The following SMAP1 variants were observed in gnomAD, a reference collection of about 807,000 sequenced individuals.
SMAP1 encodes stromal membrane-associated protein 1.
In SMAP1, 24 loss-of-function variants were observed where a neutral mutation model predicts 58.5. The ratio of observed to expected loss-of-function variants is 0.41; its 90% CI spans 0.30 to 0.58. The LOEUF (loss-of-function observed/expected upper bound fraction) is 0.58. SMAP1 is among the 20% of genes least tolerant of loss of function. The probability of loss-of-function intolerance (pLI) is 0.29; values close to 1 mark genes in which losing one functional copy is unlikely to be tolerated. For missense variants in SMAP1, 563 were observed against 566.3 expected, an observed-to-expected ratio of 0.99 and a Z score of 0.06; for synonymous variants, 216 against 196.6, an observed-to-expected ratio of 1.10 and a Z score of -0.82.
chr6:70,798,618 A>G, intron 5 of SMAP1, 39 bp from the exon 6 acceptor site: 1 of 1,473,950 alleles, frequency 6.8e-7, no homozygotes, highest in Non-Finnish European at 9.0e-7. Context: ...GCCATTTTTT[A>G]AAAAAGTAAA....
At chr6:70,707,134 A>G (rs910623676) in intron 1 of SMAP1, among the ~76,000 whole-genome samples, 2 of 152,096 alleles carry the variant, frequency 1.3e-5, no homozygotes, top group Non-Finnish European at 1.5e-5. Flanking sequence ...CTTTATTCCA[A>G]TTATGATGTA....
intron 6 of SMAP1, among the ~76,000 whole-genome samples, chr6:70,820,741 T>A (rs1769851949): frequency 6.6e-6 from 1 of 151,896 alleles, no homozygotes; most frequent in South Asian, 2.1e-4. Flanking sequence ...TTGTTCAAGA[T>A]AATTTGATCA....
chr6:70,810,569 A>G (rs1296989293), intron 6 of SMAP1, among the ~76,000 whole-genome samples: 2 of 151,906 alleles, frequency 1.3e-5, no homozygotes, highest in African/African-American at 4.8e-5. Context: ...ATTTTGACTG[A>G]CTTTTCTTTG....
intron 2 of SMAP1, among the ~76,000 whole-genome samples, chr6:70,733,713 A>G (rs1393865821): frequency 6.6e-6 from 1 of 152,204 alleles, no homozygotes; most frequent in African/African-American, 2.4e-5. Context: ...TGTGAGGTGT[A>G]GCTTGACAGT....
At chr6:70,828,306 T>C (rs1770222814) in intron 6 of SMAP1, among the ~76,000 whole-genome samples, 1 of 152,174 alleles carries the variant, frequency 6.6e-6, no homozygotes, top group South Asian at 2.1e-4. Context: ...GGTAATCAGA[T>C]AGGATAGTAT....
intron 6 of SMAP1, among the ~76,000 whole-genome samples, chr6:70,819,328 GAAAA>G (rs61400090): frequency 7.0e-6 from 1 of 142,774 alleles, no homozygotes; most frequent in Admixed American, 7.0e-5. Flanking sequence ...ATGTAAGGGT[GAAAA>G]AAAAAAAAGG....
chr6:70,737,251 C>T (rs1360802396), intron 2 of SMAP1, among the ~76,000 whole-genome samples: 1 of 152,210 alleles, frequency 6.6e-6, no homozygotes, highest in Non-Finnish European at 1.5e-5. Context: ...AAGTGATTCT[C>T]CTGCCTCAGC....
chr6:70,772,425 A>C (rs908162113), intron 3 of SMAP1, among the ~76,000 whole-genome samples: 2 of 152,188 alleles, frequency 1.3e-5, no homozygotes, highest in South Asian at 2.1e-4. Flanking sequence ...ATTATATTTC[A>C]GTGTAATTGG....
intron 4 of SMAP1, among the ~76,000 whole-genome samples, chr6:70,775,660 C>T (rs1012383140): frequency 2.0e-5 from 3 of 152,110 alleles, no homozygotes; most frequent in East Asian, 1.9e-4. Context: ...ATTCACTCTA[C>T]AGTTCCTTCC....
intron 2 of SMAP1, among the ~76,000 whole-genome samples, chr6:70,733,552 G>GT (rs1765507720): frequency 2.6e-5 from 4 of 151,844 alleles, no homozygotes; most frequent in African/African-American, 9.7e-5. Flanking sequence ...GTCTTTTTTT[G>GT]TTTGTTTGAG....
At chr6:70,853,978 AAG>A (rs550287802) in intron 8 of SMAP1, among the ~76,000 whole-genome samples, 22 of 152,300 alleles carry the variant, frequency 1.4e-4, no homozygotes, top group African/African-American at 5.3e-4. Context: ...GCAACTGCTT[AAG>A]AGAGTTAGAT....
chr6:70,806,705 T>C (rs1298951189), intron 6 of SMAP1, among the ~76,000 whole-genome samples: 1 of 152,230 alleles, frequency 6.6e-6, no homozygotes, highest in African/African-American at 2.4e-5. Context: ...TCAAGTCAAA[T>C]TTATTTCTAT....
chr6:70,851,586 T>C (rs1393833964), intron 7 of SMAP1, among the ~76,000 whole-genome samples: 1 of 152,178 alleles, frequency 6.6e-6, no homozygotes, highest in African/African-American at 2.4e-5. Context: ...GTTAACTTGG[T>C]TGTGGTTACA....
At chr6:70,803,300 G>A (rs577874645) in intron 6 of SMAP1, among the ~76,000 whole-genome samples, 14 of 152,134 alleles carry the variant, frequency 9.2e-5, no homozygotes, top group Admixed American at 3.3e-4. Context: ...GGTGTTTGTC[G>A]TATTCTCTGA....
intron 1 of SMAP1, among the ~76,000 whole-genome samples, chr6:70,684,281 T>A (rs914726980): frequency 6.6e-6 from 1 of 152,208 alleles, no homozygotes; most frequent in Non-Finnish European, 1.5e-5. Flanking sequence ...AATATTTTTG[T>A]GTTTGAGAGA....
In SMAP1 at chr6:70,729,733, A is replaced by G. The variant is rs368341326; in HGVS notation, c.119-2645A>G. Among the ~76,000 whole-genome samples the G allele has an allele frequency of 1.1e-3, 163 of 152,070 alleles. 3 individuals are homozygous for G. The South Asian group carries it at 0.018, about 17-fold the overall frequency. ...CCTGTCAGTTCTTCCTGGTGATTTC[A>G]TATTTGTTCGTTTCCATTCTTACTG... On this transcript the variant is annotated intron_variant, in intron 1 of 10. Coordinates refer to ENST00000370455, the MANE Select transcript of SMAP1 (RefSeq NM_001044305.3).
intron 4 of SMAP1, among the ~76,000 whole-genome samples, chr6:70,774,839 C>T (rs774435931): frequency 4.2e-4 from 64 of 151,618 alleles, no homozygotes; most frequent in Non-Finnish European, 5.6e-4. Context: ...ATGGTGAAAC[C>T]CCGTCTCTAC....
At chr6:70,841,815 G>A (rs1421357927) in intron 7 of SMAP1, among the ~76,000 whole-genome samples, 1 of 152,180 alleles carries the variant, frequency 6.6e-6, no homozygotes. Flanking sequence ...TAAGCCATTA[G>A]TATATAACCC....
In SMAP1 at chr6:70,852,622, G is replaced by T; in HGVS notation, c.747G>T (p.Met249Ile). 6.2e-7 allele frequency: 1 copy of T among 1,610,228 alleles called. No individual in the cohort carries two copies. Among genetic ancestry groups the T allele is most frequent in the Non-Finnish European group, 8.5e-7 (1 of 1,178,064 alleles). Residue 249 changes from methionine (M) to isoleucine (I), a missense_variant, in exon 8 of 11, where the codon ATG becomes ATT. Transcript: ENST00000370455. ...LNDDLDIFGP[M>I]ISNPLPATVM... is the part of the protein sequence containing the mutation. ...ATGATCTGGACATCTTTGGACCGAT[G>T]ATTTCTAATCCCTTACCTGCAACTG...
Sources: allele counts gnomAD v4.1 joint callset (sites outside exome capture counted in the v4.1 genomes callset), GRCh38; gene constraint gnomAD v4.1.1; transcripts MANE v1.5; gene names NCBI Gene and HGNC (gene_info 2026-07-23, HGNC 2026-07-21).